The following MARK3 variants were observed in gnomAD, a reference collection of about 807,000 sequenced individuals.
MARK3 encodes the protein microtubule affinity regulating kinase 3, also known as MAP/microtubule affinity-regulating kinase 3.
A neutral mutation model predicts 90.1 loss-of-function variants in MARK3; 46 were observed. The observed-to-expected ratio is 0.51, with a 90% confidence interval of 0.40 to 0.65. The LOEUF (loss-of-function observed/expected upper bound fraction) is 0.65, where lower values mean the gene tolerates loss of function less well. Ranked by LOEUF, MARK3 falls within the 30% of genes least tolerant of loss-of-function variation. The pLI, the probability that MARK3 is intolerant of heterozygous loss-of-function variation, is 0.00. For synonymous variants in MARK3, 321 were observed against 332.6 expected (o/e 0.97, Z 0.38); for missense variants, 818 against 947.2 (o/e 0.86, Z 1.79).
At chr14:103,493,316 G>C (rs2075120636) in intron 15 of MARK3, among the ~76,000 whole-genome samples, 2 of 136,456 alleles carry the variant, frequency 1.5e-5, no homozygotes, top group African/African-American at 5.6e-5. Context: ...GTGCAGTGGT[G>C]CAATCTTGGC....
intron 10 of MARK3, 134 bp from the exon 11 acceptor site, chr14:103,466,945 G>A (rs1295056828): frequency 2.2e-5 from 10 of 450,156 alleles, no homozygotes; most frequent in East Asian, 1.1e-4. Context: ...TGGAGGTTGC[G>A]GTGAGCCAAG....
At position 103,386,076 on chromosome 14, in the gene MARK3, A is replaced by C. The variant is rs371019779; in HGVS notation, c.47A>C (p.Glu16Ala). Residue 16 changes from glutamate to alanine, a missense_variant, in exon 1 of 18, where the codon GAA becomes GCA. This residue lies in a region of MARK3 where 157 missense variants were observed against 158.7 expected (regional missense o/e 0.99). Transcript: ENST00000429436. ...CCAACGGTGAATGAACGAGACACTG[A>C]AAACGTAAGTAACCTGGGCGTTGTA... ...PLPTVNERDT[E>A]NHTSHGDGRQ... The C allele has an allele frequency of 1.4e-5, 22 of 1,614,206 alleles. No individual in the cohort carries two copies. The highest frequency in any genetic ancestry group is 1.9e-5 in the Non-Finnish European group (22 of 1,179,986).
Position 103,385,632 on chromosome 14 carries a change from C to T in MARK3, c.-398C>T. The T allele has an allele frequency of 5.9e-6, 1 of 169,196 alleles. No homozygotes were observed. Among genetic ancestry groups the T allele is most frequent in the Non-Finnish European group, 1.3e-5 (1 of 79,658 alleles). 10.5% of individuals were successfully genotyped at this position (169,196 alleles called of 1,614,324 possible). Reference sequence around the variant, plus strand: ...CCGCCTCCTCGTTTTCAGGCGCCGCCGGCGGCGCTGTGTGGAGGCCCGCGA... The same window carrying T: ...CCGCCTCCTCGTTTTCAGGCGCCGCTGGCGGCGCTGTGTGGAGGCCCGCGA... On this transcript the variant is annotated 5_prime_UTR_variant, in exon 1 of 18. Coordinates refer to ENST00000429436, the MANE Select transcript of MARK3 (RefSeq NM_001128918.3).
Position 103,468,081 on chromosome 14 carries a change from G to A in MARK3, c.1159G>A (p.Val387Ile), listed in dbSNP as rs746805734. Reference sequence around the variant, plus strand: ...TAGCAGCAATCTTTCACTTGCTAAGGTTAGGCCGAGCAGTGATCTCAACAA... The same window carrying A: ...TAGCAGCAATCTTTCACTTGCTAAGATTAGGCCGAGCAGTGATCTCAACAA... ...SSSSNLSLAK[V>I]RPSSDLNNST... is the part of the protein sequence containing the mutation. Residue 387 changes from valine to isoleucine, a missense_variant, in exon 12 of 18, where the codon GTT (valine) becomes ATT (isoleucine). Around this residue, in one of 3 missense-constraint regions of MARK3, gnomAD observed 560 missense variants for 613.5 expected, o/e 0.91. Coordinates refer to ENST00000429436, the MANE Select transcript of MARK3 (RefSeq NM_001128918.3). The A allele has an allele frequency of 6.2e-7, 1 of 1,613,848 alleles. No individual in the cohort carries two copies. Among genetic ancestry groups the A allele is most frequent in the African/African-American group, 1.3e-5 (1 of 74,888 alleles).
intron 15 of MARK3, among the ~76,000 whole-genome samples, chr14:103,497,506 C>T (rs865798599): frequency 6.6e-6 from 1 of 152,176 alleles, no homozygotes; most frequent in African/African-American, 2.4e-5. Flanking sequence ...GCACAACCTG[C>T]ACATCTCCTT....
intron 6 of MARK3, among the ~76,000 whole-genome samples, chr14:103,459,830 T>C (rs1184911260): frequency 6.6e-6 from 1 of 151,770 alleles, no homozygotes; most frequent in Admixed American, 6.6e-5. Flanking sequence ...TTCTGTGCTT[T>C]CTAGGAGCTT....
At chr14:103,435,557 C>T (rs531288271) in intron 3 of MARK3, among the ~76,000 whole-genome samples, 17 of 152,116 alleles carry the variant, frequency 1.1e-4, no homozygotes, top group South Asian at 6.2e-4. Flanking sequence ...TACAAGCACC[C>T]GCCACCACGC....
rs1451897608 is a variant in MARK3 at position 103,386,047 on chromosome 14, A to G, written c.18A>G (p.Pro6=). Reference sequence around the variant, plus strand: ...GCAGTAAAATGTCCACTAGGACCCCATTGCCAACGGTGAATGAACGAGACA... The same window carrying G: ...GCAGTAAAATGTCCACTAGGACCCCGTTGCCAACGGTGAATGAACGAGACA... MSTRT[P]LPTVNERDTE... Residue 6 remains proline (P), a synonymous_variant, in exon 1 of 18, where the codon CCA becomes CCG. Coordinates refer to ENST00000429436, the MANE Select transcript of MARK3 (RefSeq NM_001128918.3). The G allele has an allele frequency of 1.2e-6, 2 of 1,614,174 alleles. No individual in the cohort carries two copies. The highest frequency in any genetic ancestry group is 1.3e-5 in the African/African-American group (1 of 75,068).
At chr14:103,490,863 A>G in intron 14 of MARK3, 1 of 713,278 alleles carries the variant, frequency 1.4e-6, no homozygotes, top group African/African-American at 1.9e-5. Flanking sequence ...GCTTGGGAGG[A>G]AGGTGTGTGC....
intron 12 of MARK3, among the ~76,000 whole-genome samples, chr14:103,474,653 A>G (rs1429323328): frequency 6.6e-6 from 1 of 152,234 alleles, no homozygotes; most frequent in Non-Finnish European, 1.5e-5. Context: ...ACTCAGATGT[A>G]CAAGATGAAC....
intron 10 of MARK3, 37 bp downstream of exon 10, chr14:103,466,479 T>A: frequency 7.4e-7 from 1 of 1,355,646 alleles, no homozygotes; most frequent in Non-Finnish European, 1.0e-6. Flanking sequence ...TGTGTTTTTG[T>A]CTAAGTAACA....
chr14:103,480,627 A>G (rs893209805), intron 14 of MARK3, 137 bp downstream of exon 14: 8 of 581,910 alleles, frequency 1.4e-5, no homozygotes, highest in African/African-American at 1.1e-4. Flanking sequence ...AAATTTGTAT[A>G]CTAATTTTTA....
intron 3 of MARK3, among the ~76,000 whole-genome samples, chr14:103,433,699 A>G (rs2092647586): frequency 6.6e-6 from 1 of 152,090 alleles, no homozygotes; most frequent in Admixed American, 6.6e-5. Context: ...TAAATAAATA[A>G]TAAACTGTCC....
intron 13 of MARK3, among the ~76,000 whole-genome samples, chr14:103,480,168 C>T (rs2093795159): frequency 6.6e-6 from 1 of 152,088 alleles, no homozygotes; most frequent in African/African-American, 2.4e-5. Flanking sequence ...TGCCTGTATT[C>T]CCAGCTACTT....
chr14:103,408,898 G>T (rs760570854), intron 2 of MARK3, among the ~76,000 whole-genome samples: 1 of 152,186 alleles, frequency 6.6e-6, no homozygotes, highest in Admixed American at 6.5e-5. Flanking sequence ...TAAACAGCTT[G>T]TGTGGGCGGA....
At chr14:103,449,445 T>TAAA (rs1364723615) in intron 4 of MARK3, among the ~76,000 whole-genome samples, 1 of 148,276 alleles carries the variant, frequency 6.7e-6, no homozygotes, top group Non-Finnish European at 1.5e-5. Context: ...ATAATAATAA[T>TAAA]AAACTTAAAA....
At chr14:103,388,443 GTA>G (rs2089979409) in intron 1 of MARK3, among the ~76,000 whole-genome samples, 1 of 152,236 alleles carries the variant, frequency 6.6e-6, no homozygotes, top group South Asian at 2.1e-4. Flanking sequence ...GCACTGCTAA[GTA>G]TTAGACTTCC....
At chr14:103,496,615 G>A (rs2075356629) in intron 15 of MARK3, among the ~76,000 whole-genome samples, 1 of 151,926 alleles carries the variant, frequency 6.6e-6, no homozygotes, top group South Asian at 2.1e-4. Context: ...GTTTCACCAT[G>A]TTGGCCAGGC....
intron 3 of MARK3, among the ~76,000 whole-genome samples, chr14:103,439,361 C>T (rs1422327285): frequency 6.6e-6 from 1 of 152,148 alleles, no homozygotes; most frequent in Non-Finnish European, 1.5e-5. Context: ...ATGGATCACT[C>T]ATCAATGTAG....
Sources: gnomAD v4.1 joint callset for allele counts (sites outside exome capture counted in the v4.1 genomes callset) on GRCh38, gnomAD v4.1.1 for gene constraint, gnomAD v4.1.1 regional missense constraint, MANE v1.5 for transcripts, NCBI Gene and HGNC (gene_info 2026-07-23, HGNC 2026-07-21) for gene names.